The following HS3ST4 variants were observed in gnomAD, a reference collection of about 807,000 sequenced individuals.
The protein encoded by HS3ST4 is heparan sulfate glucosamine 3-O-sulfotransferase 4.
Under a neutral mutation model 29.2 loss-of-function variants are expected in HS3ST4, and 17 were observed. The ratio of observed to expected loss-of-function variants is 0.58; its 90% CI spans 0.40 to 0.87. HS3ST4 has a LOEUF of 0.87. HS3ST4 is among the 40% of genes least tolerant of loss of function. HS3ST4 has a pLI of 0.00. For missense variants in HS3ST4, 627 were observed against 634.5 expected (o/e 0.99, Z 0.13); for synonymous variants, 314 against 285.7 (o/e 1.10, Z -1.00).
intron 1 of HS3ST4, among the ~76,000 whole-genome samples, chr16:25,784,457 G>A (rs182019735): frequency 2.0e-5 from 3 of 152,340 alleles, no homozygotes; most frequent in Admixed American, 6.5e-5. Context: ...GAAAGTTTTT[G>A]AAGGAAATTA....
In HS3ST4 at chr16:26,031,273, C is replaced by A. The variant is rs138916399; in HGVS notation, c.735-104339C>A. On this transcript the variant is annotated intron_variant, in intron 1 of 1. Transcript: ENST00000331351. ...CACAGGGCCCCGCCACTCCCCGCCC[C>A]GGGAAGAACCAGAGAAAGAGATGGA... Among the ~76,000 whole-genome samples, 472 of 152,160 alleles carry A rather than the reference C, an allele frequency of 3.1e-3. 5 individuals are homozygous for A. Among genetic ancestry groups the A allele is most frequent in the African/African-American group, 0.011 (461 of 41,534 alleles).
intron 1 of HS3ST4, among the ~76,000 whole-genome samples, chr16:25,791,242 A>G (rs1034477201): frequency 3.9e-5 from 6 of 152,094 alleles, no homozygotes; most frequent in Admixed American, 3.9e-4. Flanking sequence ...CTGTTTTGCT[A>G]GACTATTTTT....
chr16:25,854,121 T>G (rs115672280), intron 1 of HS3ST4, among the ~76,000 whole-genome samples: 42,888 of 146,872 alleles, frequency 0.29, 6,672 homozygotes, highest in Admixed American at 0.35. Context: ...ACTCCATGTC[T>G]TTTTTTTTTG....
intron 1 of HS3ST4, among the ~76,000 whole-genome samples, chr16:25,790,213 C>T (rs1430027290): frequency 3.3e-5 from 5 of 152,134 alleles, no homozygotes; most frequent in Non-Finnish European, 5.9e-5. Context: ...GAGTTCAAGA[C>T]CACCGTGGCC....
At chr16:26,055,170 T>C (rs1270898932) in intron 1 of HS3ST4, among the ~76,000 whole-genome samples, 1 of 151,518 alleles carries the variant, frequency 6.6e-6, no homozygotes, top group Non-Finnish European at 1.5e-5. Flanking sequence ...GTCAGGGCCC[T>C]CAGCAGGGAG....
rs556243300 is a variant in HS3ST4, at chr16:25,956,506, A to G, written c.735-179106A>G. 1.2e-4 allele frequency among the ~76,000 whole-genome samples: 18 copies of G among 152,334 alleles called. 1 individual carries two copies. In the South Asian group the frequency reaches 2.5e-3, roughly 21 times the overall value. ...AAATCTAGGGCATCCAAATTGGAAA[A>G]GAGGAAGTCAAACTACTCCTATTTC... On this transcript the variant is annotated intron_variant, in intron 1 of 1. Coordinates refer to ENST00000331351, the MANE Select transcript of HS3ST4 (RefSeq NM_006040.3).
intron 1 of HS3ST4, among the ~76,000 whole-genome samples, chr16:26,113,402 C>T (rs919227714): frequency 1.3e-5 from 2 of 149,382 alleles, no homozygotes; most frequent in African/African-American, 2.5e-5. Context: ...GCCGAGATCA[C>T]GCCACTGCAC....
intron 1 of HS3ST4, among the ~76,000 whole-genome samples, chr16:25,800,121 C>T (rs897333368): frequency 6.6e-6 from 1 of 151,312 alleles, no homozygotes; most frequent in South Asian, 2.1e-4. Context: ...TTCCTGCCTT[C>T]CTGCCTTCCT....
At chr16:25,756,923 G>C (rs1966761715) in intron 1 of HS3ST4, among the ~76,000 whole-genome samples, 2 of 152,164 alleles carry the variant, frequency 1.3e-5, no homozygotes, top group African/African-American at 4.8e-5. Flanking sequence ...TGTTACAGTA[G>C]CTCCCTTCAA....
At chr16:25,947,895 C>T (rs1968645383) in intron 1 of HS3ST4, among the ~76,000 whole-genome samples, 1 of 151,992 alleles carries the variant, frequency 6.6e-6, no homozygotes, top group Admixed American at 6.6e-5. Context: ...TTTCCTGGTA[C>T]ATCAGTTTCA....
At chr16:25,905,613 C>T (rs1968171174) in intron 1 of HS3ST4, among the ~76,000 whole-genome samples, 1 of 152,126 alleles carries the variant, frequency 6.6e-6, no homozygotes, top group African/African-American at 2.4e-5. Flanking sequence ...AGACAGCACA[C>T]AGACTCAGTA....
rs577747442 is a variant in HS3ST4 at position 25,727,616 on chromosome 16, G to A, written c.734+34465G>A. Among the ~76,000 whole-genome samples the A allele has an allele frequency of 1.1e-4, 16 of 152,250 alleles. No individual in the cohort carries two copies. The South Asian group carries it at 3.3e-3, about 32-fold the overall frequency. On this transcript the variant is annotated intron_variant, in intron 1 of 1. Transcript: ENST00000331351. ...GTGGAGAAAATCTAACAGACACTTG[G>A]AAAGAGTTAACTCCTCCTTCTACAA...
intron 1 of HS3ST4, among the ~76,000 whole-genome samples, chr16:25,887,992 C>A (rs115321121): frequency 2.0e-5 from 3 of 152,226 alleles, no homozygotes; most frequent in South Asian, 4.2e-4. Context: ...CCACCGCGCC[C>A]GTCCCGCTAC....
chr16:25,741,028 T>C (rs939020669), intron 1 of HS3ST4, among the ~76,000 whole-genome samples: 3 of 152,108 alleles, frequency 2.0e-5, no homozygotes, highest in African/African-American at 7.2e-5. Flanking sequence ...TTATACTACA[T>C]AAAGTGTGTG....
chr16:25,750,849 G>A (rs1239744155), intron 1 of HS3ST4, among the ~76,000 whole-genome samples: 1 of 152,058 alleles, frequency 6.6e-6, no homozygotes, highest in Non-Finnish European at 1.5e-5. Context: ...CTTTCCAGTG[G>A]ATTCAATTAG....
At chr16:25,881,407 G>C (rs1352167110) in intron 1 of HS3ST4, among the ~76,000 whole-genome samples, 1 of 152,116 alleles carries the variant, frequency 6.6e-6, no homozygotes, top group Non-Finnish European at 1.5e-5. Flanking sequence ...TTTGTTCAGT[G>C]TTTATTAGAC....
chr16:25,861,099 TA>T lies in HS3ST4; in HGVS notation c.734+167949del, dbSNP rs370255500. The stretch of plus-strand genomic sequence containing the variant: ...CAATCTTATTTTCCCCAGCCTGTCT[TA>T]TGTTAGGGTGCAGATGTGATTTCTG... On this transcript the variant is annotated intron_variant, in intron 1 of 1. Transcript: ENST00000331351. Among the ~76,000 whole-genome samples, 816 of 152,290 alleles carry T rather than the reference TA, an allele frequency of 5.4e-3. 6 individuals are homozygous for T. The highest frequency in any genetic ancestry group is 0.019 in the African/African-American group (775 of 41,574).
chr16:25,836,194 C>CA (rs1236294177), intron 1 of HS3ST4, among the ~76,000 whole-genome samples: 14 of 152,138 alleles, frequency 9.2e-5, no homozygotes, highest in Admixed American at 7.9e-4. Flanking sequence ...GCCAAAATTA[C>CA]AAAAAAATAA....
chr16:25,900,507 C>T (rs993486317), intron 1 of HS3ST4, among the ~76,000 whole-genome samples: 8 of 152,006 alleles, frequency 5.3e-5, no homozygotes, highest in Non-Finnish European at 1.2e-4. Context: ...CATTCTTGAG[C>T]TTTCAGGGAG....
Sources: gnomAD v4.1 joint callset for allele counts (sites outside exome capture counted in the v4.1 genomes callset) on GRCh38, gnomAD v4.1.1 for gene constraint, MANE v1.5 for transcripts, NCBI Gene and HGNC (gene_info 2026-07-23, HGNC 2026-07-21) for gene names.